The following COP1 variants were observed in gnomAD, a reference collection of about 807,000 sequenced individuals.
COP1 encodes the protein COP1 E3 ubiquitin ligase.
In COP1, 24 loss-of-function variants were observed where a neutral mutation model predicts 101.3. The ratio of observed to expected loss-of-function variants is 0.24; its 90% CI spans 0.17 to 0.33. The LOEUF is 0.33. COP1 is among the 10% of genes least tolerant of loss of function. The pLI is 1.00. For synonymous variants in COP1, 347 were observed against 341.9 expected (o/e 1.01, Z -0.17); for missense variants, 663 against 906.2 (o/e 0.73, Z 3.45).
intron 11 of COP1, among the ~76,000 whole-genome samples, chr1:176,077,562 G>A (rs1247758385): frequency 6.6e-6 from 1 of 152,056 alleles, no homozygotes; most frequent in African/African-American, 2.4e-5. Context: ...ATGGGCAAAA[G>A]CTGAAACCAT....
chr1:175,988,147 G>C, intron 17 of COP1, 141 bp downstream of exon 17: 1 of 720,560 alleles, frequency 1.4e-6, no homozygotes, highest in Non-Finnish European at 2.2e-6. Context: ...AAAATCAGTA[G>C]TGCTGGGGCA....
chr1:176,179,285 G>A (rs1305893541), intron 2 of COP1, among the ~76,000 whole-genome samples: 5 of 148,286 alleles, frequency 3.4e-5, no homozygotes, highest in Non-Finnish European at 7.4e-5. Context: ...GTGAGACTCC[G>A]TCTCAAAAAA....
At chr1:176,074,487 A>G (rs1189709147) in intron 11 of COP1, among the ~76,000 whole-genome samples, 1 of 152,168 alleles carries the variant, frequency 6.6e-6, no homozygotes, top group Non-Finnish European at 1.5e-5. Context: ...GGTGTAATTA[A>G]TAGAAAAAAA....
At chr1:176,186,615 A>C (rs1009244533) in intron 1 of COP1, among the ~76,000 whole-genome samples, 2 of 152,232 alleles carry the variant, frequency 1.3e-5, no homozygotes, top group Admixed American at 6.5e-5. Context: ...TAAGTTGAGT[A>C]AAACGGTAAT....
chr1:176,197,786 A>G (rs1699852276), intron 1 of COP1, among the ~76,000 whole-genome samples: 1 of 152,218 alleles, frequency 6.6e-6, no homozygotes, highest in South Asian at 2.1e-4. Context: ...AGGTTCTACC[A>G]AAAAATTATT....
At chr1:176,072,512 C>A (rs1466163812) in intron 11 of COP1, among the ~76,000 whole-genome samples, 2 of 152,200 alleles carry the variant, frequency 1.3e-5, no homozygotes, top group South Asian at 4.1e-4. Context: ...CATTTCTCAA[C>A]CAACCCCAGA....
chr1:176,058,691 C>T (rs1344792079), intron 11 of COP1, among the ~76,000 whole-genome samples: 1 of 151,640 alleles, frequency 6.6e-6, no homozygotes, highest in Non-Finnish European at 1.5e-5. Flanking sequence ...CTGACCTTCC[C>T]TCCACTATTG....
chr1:176,123,172 T>C (rs1687430231), intron 8 of COP1, among the ~76,000 whole-genome samples: 1 of 152,122 alleles, frequency 6.6e-6, no homozygotes, highest in Non-Finnish European at 1.5e-5. Flanking sequence ...AAAACAATTA[T>C]CTGAAATAAC....
chr1:176,164,342 C>T (rs146774429), intron 3 of COP1, among the ~76,000 whole-genome samples: 1 of 152,256 alleles, frequency 6.6e-6, no homozygotes, highest in Non-Finnish European at 1.5e-5. Context: ...ATCCAAAAAC[C>T]ATCCTACTCT....
chr1:176,196,879 C>T (rs1439470579), intron 1 of COP1, among the ~76,000 whole-genome samples: 3 of 130,846 alleles, frequency 2.3e-5, no homozygotes, highest in Admixed American at 8.6e-5. Context: ...CCTGTCTCTA[C>T]GCAAAAAAAA....
chr1:176,184,885 T>C (rs1328937855), intron 1 of COP1, among the ~76,000 whole-genome samples, 193 bp from the exon 2 acceptor site: 2 of 152,164 alleles, frequency 1.3e-5, no homozygotes, highest in African/African-American at 4.8e-5. Flanking sequence ...AATGATGATT[T>C]GTTCAGGATG....
At position 176,003,041 on chromosome 1, in the gene COP1, T is replaced by C. The variant is rs929075980; in HGVS notation, c.1730-13562A>G. On this transcript the variant is annotated intron_variant, in intron 15 of 19. Transcript: ENST00000367669. ...CTGTTGTTTCCTGAGTTTTTAATGA[T>C]TGCCATTCTAACTGGTGTGAGATGG... is the stretch of plus-strand genomic sequence containing the variant. Among the ~76,000 whole-genome samples, 18 of 151,170 alleles carry C rather than the reference T, an allele frequency of 1.2e-4. 1 individual carries two copies. The highest frequency in any genetic ancestry group is 6.3e-4 in the South Asian group (3 of 4,768).
intron 11 of COP1, among the ~76,000 whole-genome samples, chr1:176,072,685 A>T (rs2481655): frequency 1.3e-5 from 2 of 152,052 alleles, no homozygotes; most frequent in Non-Finnish European, 2.9e-5. Context: ...CTCTACAATA[A>T]GGAACATATT....
chr1:176,007,998 T>A (rs911548350), intron 15 of COP1, among the ~76,000 whole-genome samples: 2 of 152,148 alleles, frequency 1.3e-5, no homozygotes, highest in South Asian at 2.1e-4. Flanking sequence ...TCAGGGAGAC[T>A]CCGTGGGCGT....
rs139415140 is a variant in COP1, at chr1:176,030,382, A to G, written c.1613-2694T>C. Among the ~76,000 whole-genome samples, 321 of 152,296 alleles carry G rather than the reference A, an allele frequency of 2.1e-3. 1 individual carries two copies. Among genetic ancestry groups the G allele is most frequent in the African/African-American group, 7.3e-3 (303 of 41,570 alleles). ...TAGGCCCAAAGGTAATTCACAATAG[A>G]TAAGTATGGAGCACTTACTGTGCCC... On this transcript the variant is annotated intron_variant, in intron 14 of 19. Coordinates refer to ENST00000367669, the MANE Select transcript of COP1 (RefSeq NM_022457.7).
At chr1:175,952,314 C>T (rs377085472) in intron 18 of COP1, among the ~76,000 whole-genome samples, 9 of 151,214 alleles carry the variant, frequency 6.0e-5, no homozygotes, top group Non-Finnish European at 8.8e-5. Flanking sequence ...CCCAGCTACT[C>T]GGGAGGCTGA....
chr1:175,965,090 C>T (rs1360414865), intron 18 of COP1, among the ~76,000 whole-genome samples: 1 of 152,068 alleles, frequency 6.6e-6, no homozygotes, highest in African/African-American at 2.4e-5. Flanking sequence ...GGCTTTTGCT[C>T]CATTTTTTTT....
chr1:176,190,785 A>C lies in COP1; in HGVS notation c.408-6093T>G, dbSNP rs76266964. On this transcript the variant is annotated intron_variant, in intron 1 of 19. Transcript: ENST00000367669. ...TATCTTAGAACTGTCCAACAAACTA[A>C]TATGTACATAGTTCAATACATGCAT... Among the ~76,000 whole-genome samples, 127 of 152,134 alleles carry C rather than the reference A, an allele frequency of 8.3e-4. 4 individuals are homozygous for C. In the East Asian group the frequency reaches 0.012, roughly 14 times the overall value.
At chr1:176,019,900 T>C (rs1666438666) in intron 15 of COP1, among the ~76,000 whole-genome samples, 1 of 152,192 alleles carries the variant, frequency 6.6e-6, no homozygotes, top group East Asian at 1.9e-4. Flanking sequence ...GAAACATTTA[T>C]TTCCAATATG....
Sources: gnomAD v4.1 joint callset for allele counts (sites outside exome capture counted in the v4.1 genomes callset) on GRCh38, gnomAD v4.1.1 for gene constraint, MANE v1.5 for transcripts, NCBI Gene and HGNC (gene_info 2026-07-23, HGNC 2026-07-21) for gene names.